The following GABRG3 variants were observed in gnomAD, a reference collection of about 807,000 sequenced individuals.
GABRG3 encodes the protein gamma-aminobutyric acid receptor subunit gamma-3.
GABRG3 carries 25 observed loss-of-function variants against 48.8 expected under a neutral mutation model. The ratio of observed to expected loss-of-function variants is 0.51; its 90% CI spans 0.37 to 0.72. GABRG3 has a LOEUF of 0.72. GABRG3 is among the 30% of genes least tolerant of loss of function. The pLI, the probability that GABRG3 is intolerant of heterozygous loss-of-function variation, is 0.00. For missense variants in GABRG3, 394 were observed against 577.9 expected, an observed-to-expected ratio of 0.68 and a Z score of 3.26; for synonymous variants, 227 against 217.6, an observed-to-expected ratio of 1.04 and a Z score of -0.38.
At chr15:27,120,479 T>C (rs1376910395) in intron 3 of GABRG3, among the ~76,000 whole-genome samples, 3 of 152,208 alleles carry the variant, frequency 2.0e-5, no homozygotes, top group Non-Finnish European at 4.4e-5. Context: ...TTCTCATTGC[T>C]TGTGGAATTC....
intron 3 of GABRG3, among the ~76,000 whole-genome samples, chr15:27,101,648 T>C (rs1317193472): frequency 6.6e-6 from 1 of 152,038 alleles, no homozygotes; most frequent in Admixed American, 6.6e-5. Context: ...ACCTGTTTAC[T>C]GACAAAAGTG....
At chr15:27,034,811 G>A (rs931610925) in intron 3 of GABRG3, among the ~76,000 whole-genome samples, 9 of 152,138 alleles carry the variant, frequency 5.9e-5, no homozygotes, top group East Asian at 1.9e-4. Context: ...TGCCTCTCAC[G>A]TGCATGCCTG....
At position 27,057,630 on chromosome 15, in the gene GABRG3, G is replaced by A. The variant is rs148346671; in HGVS notation, c.270+30809G>A. 4.1e-4 allele frequency among the ~76,000 whole-genome samples: 62 copies of A among 152,184 alleles called. No homozygotes were observed. In the East Asian group the frequency reaches 0.011, roughly 28 times the overall value. On this transcript the variant is annotated intron_variant, in intron 3 of 9. Coordinates refer to ENST00000615808, the MANE Select transcript of GABRG3 (RefSeq NM_033223.5). ...TGTGATGGAGAGAGGTGTCCTGGCC[G>A]CCAGGTCACCCTCGGGGCTCCCATT...
chr15:27,046,621 T>C (rs1273721717), intron 3 of GABRG3, among the ~76,000 whole-genome samples: 1 of 152,244 alleles, frequency 6.6e-6, no homozygotes, highest in Non-Finnish European at 1.5e-5. Context: ...TCCTTCCCAC[T>C]TCTGTTGCTC....
intron 3 of GABRG3, among the ~76,000 whole-genome samples, chr15:27,159,203 C>T (rs182737883): frequency 2.6e-5 from 4 of 152,092 alleles, no homozygotes; most frequent in Admixed American, 2.6e-4. Context: ...AAATACAGGC[C>T]GGGCATGGTG....
At chr15:27,074,993 C>G (rs954955670) in intron 3 of GABRG3, among the ~76,000 whole-genome samples, 3 of 152,178 alleles carry the variant, frequency 2.0e-5, no homozygotes, top group Admixed American at 6.5e-5. Flanking sequence ...TCAGACTTAA[C>G]AGCCTACATT....
intron 3 of GABRG3, among the ~76,000 whole-genome samples, chr15:27,276,342 A>G (rs1891252397): frequency 6.6e-6 from 1 of 152,220 alleles, no homozygotes. Context: ...GATCCCGAAT[A>G]TGCTGTGCCA....
At chr15:26,993,309 T>C (rs1895281041) in intron 2 of GABRG3, among the ~76,000 whole-genome samples, 1 of 152,098 alleles carries the variant, frequency 6.6e-6, no homozygotes, top group Non-Finnish European at 1.5e-5. Context: ...GGTTACGTAT[T>C]TGAAGTTTTT....
chr15:27,135,227 A>ATG (rs1353040701), intron 3 of GABRG3, among the ~76,000 whole-genome samples: 3 of 152,154 alleles, frequency 2.0e-5, no homozygotes, highest in African/African-American at 7.2e-5. Flanking sequence ...TATATGGCAT[A>ATG]TGTGTGTGTG....
intron 3 of GABRG3, among the ~76,000 whole-genome samples, chr15:27,188,682 G>C (rs956919144): frequency 2.0e-5 from 3 of 151,910 alleles, no homozygotes; most frequent in Non-Finnish European, 2.9e-5. Flanking sequence ...TGGGTTGCCT[G>C]TTCACTCTGA....
At chr15:27,257,490 A>G (rs913552310) in intron 3 of GABRG3, among the ~76,000 whole-genome samples, 7 of 149,572 alleles carry the variant, frequency 4.7e-5, no homozygotes, top group Admixed American at 1.3e-4. Context: ...GTTTTCTCCT[A>G]GAAGTTCTAT....
chr15:27,300,341 A>G lies in GABRG3; in HGVS notation c.271-26468A>G, dbSNP rs186078877. Among the ~76,000 whole-genome samples the G allele has an allele frequency of 8.5e-5, 13 of 152,252 alleles. No homozygotes were observed. The East Asian group carries it at 2.3e-3, about 27-fold the overall frequency. On this transcript the variant is annotated intron_variant, in intron 3 of 9. Coordinates refer to ENST00000615808, the MANE Select transcript of GABRG3 (RefSeq NM_033223.5). ...CCATTATGAAGTATATGTTGGAATTATCTTACAAAGAATGAAGGCACGTAT... is the reference window on the plus strand; with the variant it reads ...CCATTATGAAGTATATGTTGGAATTGTCTTACAAAGAATGAAGGCACGTAT...
chr15:27,174,197 T>G (rs1032014997), intron 3 of GABRG3, among the ~76,000 whole-genome samples: 1 of 152,200 alleles, frequency 6.6e-6, no homozygotes, highest in African/African-American at 2.4e-5. Flanking sequence ...CATTGTGTGG[T>G]TGCTTTGTTT....
At chr15:27,233,876 C>T (rs1009973588) in intron 3 of GABRG3, among the ~76,000 whole-genome samples, 1 of 152,194 alleles carries the variant, frequency 6.6e-6, no homozygotes, top group Non-Finnish European at 1.5e-5. Flanking sequence ...TATTACACTT[C>T]ATGTGAATTA....
At chr15:27,237,518 C>A (rs562222906) in intron 3 of GABRG3, among the ~76,000 whole-genome samples, 32 of 152,250 alleles carry the variant, frequency 2.1e-4, no homozygotes, top group African/African-American at 7.5e-4. Context: ...CCTTGACCTG[C>A]CCCGAGAGGA....
At chr15:27,169,658 G>A (rs1268536616) in intron 3 of GABRG3, among the ~76,000 whole-genome samples, 3 of 152,238 alleles carry the variant, frequency 2.0e-5, no homozygotes, top group Non-Finnish European at 4.4e-5. Context: ...CAGCCCTCCC[G>A]GCCACTCCAT....
Position 27,454,273 on chromosome 15 carries a change from A to G in GABRG3, c.575-26377A>G, listed in dbSNP as rs746967004. 3.3e-5 allele frequency among the ~76,000 whole-genome samples: 5 copies of G among 152,320 alleles called. No homozygotes were observed. In the South Asian group the frequency reaches 8.3e-4, roughly 25 times the overall value. ...AGCGTGTGGTCCAACATGGACATGAATGGATTCTGTAGTCTGTCCCTCTGC... is the reference window on the plus strand; with the variant it reads ...AGCGTGTGGTCCAACATGGACATGAGTGGATTCTGTAGTCTGTCCCTCTGC... On this transcript the variant is annotated intron_variant, in intron 5 of 9. Coordinates refer to ENST00000615808, the MANE Select transcript of GABRG3 (RefSeq NM_033223.5).
chr15:27,116,190 C>T (rs1159248659), intron 3 of GABRG3, among the ~76,000 whole-genome samples: 1 of 152,190 alleles, frequency 6.6e-6, no homozygotes, highest in African/African-American at 2.4e-5. Context: ...TCTGGCTAAA[C>T]TGACTTAGCA....
At chr15:27,300,058 T>C (rs1312288664) in intron 3 of GABRG3, among the ~76,000 whole-genome samples, 5 of 152,152 alleles carry the variant, frequency 3.3e-5, no homozygotes, top group Non-Finnish European at 5.9e-5. Context: ...GGAATAAATC[T>C]GAGGAGCACA....
Sources: gnomAD v4.1 joint callset for allele counts (sites outside exome capture counted in the v4.1 genomes callset) on GRCh38, gnomAD v4.1.1 for gene constraint, MANE v1.5 for transcripts, NCBI Gene and HGNC (gene_info 2026-07-23, HGNC 2026-07-21) for gene names.